The following INPP4B variants were observed in gnomAD, a reference collection of about 807,000 sequenced individuals.
INPP4B encodes the protein inositol polyphosphate 4-phosphatase type II.
A neutral mutation model predicts 122.5 loss-of-function variants in INPP4B; 55 were observed. The ratio of observed to expected loss-of-function variants is 0.45; its 90% CI spans 0.36 to 0.56. The LOEUF (loss-of-function observed/expected upper bound fraction) is 0.56. Among genes scored for constraint, INPP4B ranks in the 20% least tolerant of loss-of-function variants. The pLI is 0.00. For missense variants in INPP4B, 1,000 were observed against 1,097.7 expected (o/e 0.91, Z 1.26); for synonymous variants, 403 against 388.7 (o/e 1.04, Z -0.43).
At chr4:142,414,444 G>C (rs1805257419) in intron 5 of INPP4B, among the ~76,000 whole-genome samples, 1 of 152,170 alleles carries the variant, frequency 6.6e-6, no homozygotes, top group South Asian at 2.1e-4. Flanking sequence ...CACAACCTCT[G>C]CCTGGAACAA....
chr4:142,187,345 C>T (rs1561421570), intron 15 of INPP4B, among the ~76,000 whole-genome samples: 3 of 151,794 alleles, frequency 2.0e-5, no homozygotes, highest in African/African-American at 4.8e-5. Flanking sequence ...TTGAAATATA[C>T]TTTATTGAAA....
intron 2 of INPP4B, among the ~76,000 whole-genome samples, chr4:142,605,478 G>A (rs1038466461): frequency 1.3e-5 from 2 of 151,816 alleles, no homozygotes; most frequent in Admixed American, 6.6e-5. Context: ...CAATTGACAC[G>A]TTGAAGAGAC....
At chr4:142,527,166 T>C (rs1827027329) in intron 2 of INPP4B, among the ~76,000 whole-genome samples, 2 of 151,970 alleles carry the variant, frequency 1.3e-5, no homozygotes, top group South Asian at 4.1e-4. Context: ...AAAGATAATA[T>C]ATAATTTTTC....
At chr4:142,145,312 CTT>C (rs1262719903) in intron 18 of INPP4B, among the ~76,000 whole-genome samples, 1 of 152,048 alleles carries the variant, frequency 6.6e-6, no homozygotes, top group Non-Finnish European at 1.5e-5. Context: ...AAAATCTAGA[CTT>C]GTCATATATT....
At chr4:142,574,489 T>C (rs192974321) in intron 2 of INPP4B, among the ~76,000 whole-genome samples, 3 of 152,198 alleles carry the variant, frequency 2.0e-5, no homozygotes, top group Non-Finnish European at 2.9e-5. Flanking sequence ...TTAAATGCTG[T>C]CTTGAGTCAC....
chr4:142,053,430 A>G (rs1297440550), intron 25 of INPP4B, among the ~76,000 whole-genome samples: 1 of 152,110 alleles, frequency 6.6e-6, no homozygotes, highest in Non-Finnish European at 1.5e-5. Context: ...GTAACATTGT[A>G]TCATTAACAG....
At chr4:142,458,981 G>A (rs929543221) in intron 3 of INPP4B, among the ~76,000 whole-genome samples, 1 of 152,144 alleles carries the variant, frequency 6.6e-6, no homozygotes, top group African/African-American at 2.4e-5. Context: ...CAGGAAAGCA[G>A]GAACAAAAAT....
At chr4:142,767,402 C>A (rs1373542577) in intron 1 of INPP4B, among the ~76,000 whole-genome samples, 1 of 152,086 alleles carries the variant, frequency 6.6e-6, no homozygotes, top group Non-Finnish European at 1.5e-5. Flanking sequence ...CTGTTTGAGA[C>A]CCCTATATCT....
At chr4:142,111,743 T>C (rs1040593932) in intron 22 of INPP4B, among the ~76,000 whole-genome samples, 2 of 151,954 alleles carry the variant, frequency 1.3e-5, no homozygotes, top group African/African-American at 4.8e-5. Flanking sequence ...AAAAGAGATT[T>C]TTTTTTATTT....
intron 5 of INPP4B, among the ~76,000 whole-genome samples, chr4:142,412,209 T>A (rs890392008): frequency 4.5e-4 from 69 of 152,348 alleles, no homozygotes; most frequent in South Asian, 1.2e-3. Context: ...TCTATACCAG[T>A]GATTACATCT....
chr4:142,686,544 C>A (rs368370393), intron 2 of INPP4B, among the ~76,000 whole-genome samples: 4 of 152,084 alleles, frequency 2.6e-5, no homozygotes, highest in African/African-American at 4.8e-5. Context: ...AACCACCTCA[C>A]ACCATTTTAA....
At chr4:142,042,518 GTATGTA>G (rs1333241538) in intron 25 of INPP4B, among the ~76,000 whole-genome samples, 34 of 42,846 alleles carry the variant, frequency 7.9e-4, no homozygotes, top group African/African-American at 1.4e-3. Context: ...ATGTGTGTGT[GTATGTA>G]TGTATGTATG....
At chr4:142,340,808 A>G (rs1438009382) in intron 7 of INPP4B, among the ~76,000 whole-genome samples, 1 of 152,170 alleles carries the variant, frequency 6.6e-6, no homozygotes, top group East Asian at 1.9e-4. Flanking sequence ...GGAAGAAATT[A>G]AAGCCCCTAG....
rs192335438 is a variant in INPP4B, at chr4:142,688,368, T to C, written c.-191+37471A>G. On this transcript the variant is annotated intron_variant, in intron 2 of 25. Coordinates refer to ENST00000262992, the MANE Select transcript of INPP4B (RefSeq NM_001101669.3). ...CCCAAATACACCATGAGTGATTTTT[T>C]TTGCCTTCATCATTCTGCACATGTT... Among the ~76,000 whole-genome samples the C allele has an allele frequency of 5.5e-4, 84 of 152,284 alleles. 1 individual carries two copies. The highest frequency in any genetic ancestry group is 2.0e-3 in the African/African-American group (83 of 41,578).
At chr4:142,323,468 C>A (rs1202940123) in intron 7 of INPP4B, among the ~76,000 whole-genome samples, 5 of 121,714 alleles carry the variant, frequency 4.1e-5, no homozygotes, top group Non-Finnish European at 8.1e-5. Context: ...TTTTTTGAGA[C>A]GGAGTCTCAC....
chr4:142,154,882 A>G (rs1245930743), intron 17 of INPP4B, among the ~76,000 whole-genome samples: 2 of 152,052 alleles, frequency 1.3e-5, no homozygotes, highest in Non-Finnish European at 2.9e-5. Flanking sequence ...TTCCTATCAA[A>G]GCTTATAAAG....
intron 9 of INPP4B, 51 bp from the exon 10 acceptor site, chr4:142,270,825 C>T (rs747203149): frequency 8.8e-7 from 1 of 1,136,814 alleles, no homozygotes; most frequent in Non-Finnish European, 1.3e-6. Context: ...CTCTCTCCCC[C>T]AAAAATATCC....
At chr4:142,237,750 T>C (rs1178682367) in intron 12 of INPP4B, 114 bp downstream of exon 12, 5 of 554,506 alleles carry the variant, frequency 9.0e-6, no homozygotes. Flanking sequence ...TTTAGCTATT[T>C]CACAATGCAT....
At chr4:142,519,164 G>A (rs1015380637) in intron 2 of INPP4B, among the ~76,000 whole-genome samples, 20 of 152,114 alleles carry the variant, frequency 1.3e-4, no homozygotes, top group African/African-American at 4.8e-4. Flanking sequence ...ATATCCAGGA[G>A]CAATAGGTGG....
Sources: gnomAD v4.1 joint callset for allele counts (sites outside exome capture counted in the v4.1 genomes callset) on GRCh38, gnomAD v4.1.1 for gene constraint, MANE v1.5 for transcripts, NCBI Gene and HGNC (gene_info 2026-07-23, HGNC 2026-07-21) for gene names.